LHFPL2: variants seen among roughly 807,000 people sequenced by gnomAD.
LHFPL2 encodes the protein LHFPL tetraspan subfamily member 2.
Under a neutral mutation model 17.5 loss-of-function variants are expected in LHFPL2, and 7 were observed. That is an observed-to-expected ratio of 0.40 (90% CI 0.23 to 0.75). LHFPL2 has a LOEUF of 0.75. Ranked by LOEUF, LHFPL2 falls within the 30% of genes least tolerant of loss-of-function variation. The probability of loss-of-function intolerance (pLI) is 0.37; values close to 1 mark genes in which losing one functional copy is unlikely to be tolerated. For synonymous variants in LHFPL2, 134 were observed against 116.2 expected, an observed-to-expected ratio of 1.15 and a Z score of -0.99; for missense variants, 241 against 294.8, an observed-to-expected ratio of 0.82 and a Z score of 1.34.
intron 3 of LHFPL2, among the ~76,000 whole-genome samples, chr5:78,548,113 G>A (rs1756338154): frequency 6.6e-6 from 1 of 152,244 alleles, no homozygotes; most frequent in South Asian, 2.1e-4. Flanking sequence ...ATGACTGCAA[G>A]GTCCTTCTGG....
chr5:78,562,079 C>T (rs1756743996), intron 3 of LHFPL2, among the ~76,000 whole-genome samples: 1 of 152,186 alleles, frequency 6.6e-6, no homozygotes, highest in Admixed American at 6.5e-5. Context: ...CCTCAGACTC[C>T]ACATGCTGTG....
At chr5:78,613,059 T>C (rs1744471322) in intron 2 of LHFPL2, among the ~76,000 whole-genome samples, 1 of 152,178 alleles carries the variant, frequency 6.6e-6, no homozygotes, top group South Asian at 2.1e-4. Context: ...CAGAAGCTAG[T>C]GCAAAGAATG....
intron 1 of LHFPL2, among the ~76,000 whole-genome samples, chr5:78,637,366 G>A (rs1412672278): frequency 6.7e-6 from 1 of 150,060 alleles, no homozygotes; most frequent in East Asian, 2.0e-4. Flanking sequence ...AACATGTAAT[G>A]AGGAAATCAT....
intron 2 of LHFPL2, among the ~76,000 whole-genome samples, chr5:78,606,072 C>T (rs1420958388): frequency 3.3e-5 from 5 of 152,236 alleles, no homozygotes; most frequent in African/African-American, 1.2e-4. Flanking sequence ...TTTGATTCAA[C>T]TGATACTCAC....
At chr5:78,495,701 G>A (rs1006674740) in intron 4 of LHFPL2, among the ~76,000 whole-genome samples, 3 of 152,178 alleles carry the variant, frequency 2.0e-5, no homozygotes, top group Non-Finnish European at 2.9e-5. Context: ...ATATCGGAAC[G>A]TCTCTGGAGA....
chr5:78,605,987 T>G (rs541341827), intron 2 of LHFPL2, among the ~76,000 whole-genome samples: 1 of 152,198 alleles, frequency 6.6e-6, no homozygotes. Context: ...TTCTCTAATA[T>G]GAGGACTGAT....
intron 1 of LHFPL2, among the ~76,000 whole-genome samples, chr5:78,642,904 C>G (rs1745727874): frequency 6.6e-6 from 1 of 152,130 alleles, no homozygotes; most frequent in African/African-American, 2.4e-5. Flanking sequence ...CAGGCCTCTC[C>G]TCTCTCCACC....
chr5:78,495,863 G>A (rs1754588685), intron 4 of LHFPL2, among the ~76,000 whole-genome samples: 1 of 152,144 alleles, frequency 6.6e-6, no homozygotes, highest in Non-Finnish European at 1.5e-5. Flanking sequence ...TTATAGGAGT[G>A]GGATGCTGTA....
In LHFPL2 at chr5:78,487,593, A is replaced by G. The variant is rs771881788; in HGVS notation, c.*1304T>C. ...TTTCTGTGCTGCTCTGGTCATTCTG[A>G]GATACTATCTTCCTGAATCAGTGAT... On this transcript the variant is annotated 3_prime_UTR_variant, in exon 5 of 5. Transcript: ENST00000380345. The G allele has an allele frequency of 6.6e-6, 1 of 152,190 alleles. No homozygotes were observed. The highest frequency in any genetic ancestry group is 1.5e-5 in the Non-Finnish European group (1 of 68,022). The allele number at this position is 152,190 out of a possible 1,614,324, so 9.4% of individuals were successfully genotyped here.
chr5:78,524,716 T>G (rs1195270309), intron 3 of LHFPL2, among the ~76,000 whole-genome samples: 1 of 134,026 alleles, frequency 7.5e-6, no homozygotes, highest in Non-Finnish European at 1.5e-5. Flanking sequence ...CACTCCAGTC[T>G]GGGGGACAGA....
chr5:78,591,614 C>T (rs959246110), intron 2 of LHFPL2, among the ~76,000 whole-genome samples: 3 of 152,176 alleles, frequency 2.0e-5, no homozygotes, highest in African/African-American at 7.2e-5. Flanking sequence ...TCCTTTGTGT[C>T]CTGTAATCCT....
chr5:78,498,854 C>T (rs1754687627), intron 4 of LHFPL2, among the ~76,000 whole-genome samples: 1 of 152,228 alleles, frequency 6.6e-6, no homozygotes, highest in Non-Finnish European at 1.5e-5. Flanking sequence ...AAACAGAAGT[C>T]TTACTGTGAC....
chr5:78,627,760 TCTGA>T (rs1580872051), intron 2 of LHFPL2, among the ~76,000 whole-genome samples: 1 of 152,334 alleles, frequency 6.6e-6, no homozygotes. Flanking sequence ...AAGGCACAGC[TCTGA>T]CTGACTCTCT....
intron 4 of LHFPL2, among the ~76,000 whole-genome samples, chr5:78,505,683 C>A (rs541099914): frequency 2.7e-4 from 41 of 152,346 alleles, no homozygotes; most frequent in African/African-American, 9.4e-4. Flanking sequence ...CTAAAAGCTA[C>A]AAGATATCCC....
At chr5:78,530,675 C>A (rs748736687) in intron 3 of LHFPL2, among the ~76,000 whole-genome samples, 1 of 152,152 alleles carries the variant, frequency 6.6e-6, no homozygotes, top group Non-Finnish European at 1.5e-5. Flanking sequence ...TAACATGGAA[C>A]CCAAACTGAT....
intron 2 of LHFPL2, among the ~76,000 whole-genome samples, chr5:78,566,905 T>A (rs987138111): frequency 6.6e-6 from 1 of 152,246 alleles, no homozygotes; most frequent in African/African-American, 2.4e-5. Flanking sequence ...GCCACTAGGA[T>A]TATTATGAAT....
intron 2 of LHFPL2, among the ~76,000 whole-genome samples, chr5:78,589,896 G>C (rs555376077): frequency 2.0e-4 from 31 of 152,300 alleles, no homozygotes; most frequent in Middle Eastern, 3.4e-3. Flanking sequence ...CCAAGGATTG[G>C]TTCATTTGAC....
intron 2 of LHFPL2, among the ~76,000 whole-genome samples, chr5:78,576,190 G>A (rs1375714241): frequency 6.6e-6 from 1 of 152,090 alleles, no homozygotes; most frequent in African/African-American, 2.4e-5. Flanking sequence ...AGCTACTCCG[G>A]AGGCTGAGGC....
intron 3 of LHFPL2, among the ~76,000 whole-genome samples, chr5:78,549,449 C>A (rs771413553): frequency 6.6e-6 from 1 of 152,128 alleles, no homozygotes; most frequent in Non-Finnish European, 1.5e-5. Flanking sequence ...TTTAACCTAC[C>A]ACATGTCAGC....
Sources: allele counts gnomAD v4.1 joint callset (sites outside exome capture counted in the v4.1 genomes callset), GRCh38; gene constraint gnomAD v4.1.1; transcripts MANE v1.5; gene names NCBI Gene and HGNC (gene_info 2026-07-23, HGNC 2026-07-21).